The following ISOC2 variants were observed in gnomAD, a reference collection of about 807,000 sequenced individuals.
ISOC2 encodes isochorismatase domain containing 2.
A neutral mutation model predicts 19.3 loss-of-function variants in ISOC2; 15 were observed. That is an observed-to-expected ratio of 0.78 (90% CI 0.52 to 1.20). The LOEUF is 1.20. Ranked by LOEUF, ISOC2 falls within the 50% of genes most tolerant of loss-of-function variation. The pLI is 0.00. For synonymous variants in ISOC2, 106 were observed against 115.8 expected (o/e 0.92, Z 0.54); for missense variants, 285 against 272.4 (o/e 1.05, Z -0.33).
chr19:55,455,359 C>G, intron 3 of ISOC2, 29 bp from the exon 4 acceptor site: 1 of 1,613,898 alleles, frequency 6.2e-7, no homozygotes, highest in Non-Finnish European at 8.5e-7. Flanking sequence ...CAGGGCCAAC[C>G]CCGGATAAGA....
chr19:55,455,052 G>T lies in ISOC2; in HGVS notation c.474C>A (p.Leu158=). Residue 158 remains leucine (L), a synonymous_variant, in exon 5 of 6, where the codon CTC becomes CTA. Transcript: ENST00000425675. ...LARMRQSGAF[L]STSEGLILQL... The stretch of plus-strand genomic sequence containing the variant: ...GCAGAATGAGCCCTTCGCTGGTGGA[G>T]AGGAAGGCACCACTCTGTCTCATGC... 1 of 1,612,860 alleles carries T rather than the reference G, an allele frequency of 6.2e-7. No individual in the cohort carries two copies. Among genetic ancestry groups the T allele is most frequent in the African/African-American group, 1.3e-5 (1 of 74,582 alleles).
intron 5 of ISOC2, chr19:55,454,088 C>T (rs75847313): frequency 0.043 from 6,592 of 152,704 alleles, 140 homozygotes; most frequent in Middle Eastern, 0.098. Context: ...TCTCAAACCT[C>T]TGGGCTCTGA....
chr19:55,455,238 A>T (rs774426740), intron 4 of ISOC2, 22 bp downstream of exon 4: 1 of 1,596,934 alleles, frequency 6.3e-7, no homozygotes, highest in South Asian at 1.1e-5. Flanking sequence ...ACGTGCACCC[A>T]CCCAGGCAGG....
At chr19:55,455,431 G>C (rs565151110) in intron 3 of ISOC2, 101 bp from the exon 4 acceptor site, 1 of 1,481,924 alleles carries the variant, frequency 6.7e-7, no homozygotes, top group Non-Finnish European at 9.4e-7. Flanking sequence ...AGAATGGGGA[G>C]GAGGGAGGCT....
rs754071254 is a variant in ISOC2, at chr19:55,453,421, G to A, written c.538-33C>T. 14 of 1,491,832 alleles carry A rather than the reference G, an allele frequency of 9.4e-6. No homozygotes were observed. In the South Asian group the frequency reaches 1.1e-4, roughly 12 times the overall value. 92.4% of individuals were successfully genotyped at this position (1,491,832 alleles called of 1,614,324 possible). ...GGCAGGGGGCGATGGGTCAGGAAGC[G>A]TCTAGGGTCCCGATCTCCATGGATG... On this transcript the variant is annotated intron_variant, in intron 5 of 5. Coordinates refer to ENST00000425675, the MANE Select transcript of ISOC2 (RefSeq NM_001136201.2).
chr19:55,456,044 G>C, intron 2 of ISOC2, 199 bp from the exon 3 acceptor site: 1 of 600,764 alleles, frequency 1.7e-6, no homozygotes, highest in Middle Eastern at 4.4e-4. Context: ...GCTGGGCCTG[G>C]ACTCCTGCGT....
chr19:55,460,256 G>A (rs118122704), intron 1 of ISOC2, among the ~76,000 whole-genome samples: 2,506 of 152,324 alleles, frequency 0.016, 29 homozygotes, highest in Non-Finnish European at 0.022. Flanking sequence ...ACGAAAACAT[G>A]TTTGAGAGAA....
chr19:55,453,445 T>G (rs747141874), intron 5 of ISOC2, 57 bp from the exon 6 acceptor site: 3 of 1,248,882 alleles, frequency 2.4e-6, no homozygotes, highest in Non-Finnish European at 3.3e-6. Flanking sequence ...TCTCCATGGA[T>G]GACAAATCTG....
intron 1 of ISOC2, among the ~76,000 whole-genome samples, chr19:55,458,829 G>C (rs1338360928): frequency 6.7e-6 from 1 of 149,950 alleles, no homozygotes; most frequent in East Asian, 2.0e-4. Context: ...ACCTGGCCTT[G>C]AGCTGCTATT....
Position 55,455,296 on chromosome 19 carries a change from T to A in ISOC2, c.383A>T (p.Gln128Leu). ...TTLDLLDRGL[Q>L]VHVVVDACSS... The stretch of plus-strand genomic sequence containing the variant: ...GCAGGCGTCCACCACCACATGGACC[T>A]GCAGCCCCCGGTCTAGGAGGTCCAG... The change falls in exon 4 of 6, where the codon CAG becomes CTG. Residue 128 changes from glutamine (Q) to leucine (L), a missense_variant. Transcript: ENST00000425675. 1 of 1,613,780 alleles carries A rather than the reference T, an allele frequency of 6.2e-7. No individual in the cohort carries two copies. Among genetic ancestry groups the A allele is most frequent in the Non-Finnish European group, 8.5e-7 (1 of 1,179,836 alleles).
chr19:55,458,813 C>T (rs1599884966), intron 1 of ISOC2, among the ~76,000 whole-genome samples: 1 of 152,150 alleles, frequency 6.6e-6, no homozygotes, highest in South Asian at 2.1e-4. Context: ...AGGTGTGAGC[C>T]ACCGCACCTG....
At chr19:55,457,821 A>G (rs1164308933) in intron 1 of ISOC2, among the ~76,000 whole-genome samples, 6 of 134,066 alleles carry the variant, frequency 4.5e-5, no homozygotes, top group Non-Finnish European at 9.5e-5. Flanking sequence ...ATAAGAGCAA[A>G]ACTCCATCTC....
intron 1 of ISOC2, 32 bp from the exon 2 acceptor site, chr19:55,456,521 C>A: frequency 1.2e-6 from 2 of 1,608,892 alleles, no homozygotes; most frequent in Middle Eastern, 1.7e-4. Context: ...GTGGGTCAGG[C>A]CCGAGGGCTC....
intron 1 of ISOC2, among the ~76,000 whole-genome samples, chr19:55,460,473 C>G (rs954887454): frequency 5.3e-5 from 8 of 152,100 alleles, no homozygotes; most frequent in African/African-American, 1.9e-4. Flanking sequence ...CTTCTGAATT[C>G]TGGACAATGT....
At position 55,454,959 on chromosome 19, in the gene ISOC2, G is replaced by A. The variant is rs747485043; in HGVS notation, c.537+30C>T. The A allele has an allele frequency of 3.4e-6, 5 of 1,462,212 alleles. No individual in the cohort carries two copies. The African/African-American group carries it at 5.6e-5, about 16-fold the overall frequency. 90.6% of individuals were successfully genotyped at this position (1,462,212 alleles called of 1,614,324 possible). A position where few individuals can be genotyped will look rare whatever the true frequency, so the allele number is the denominator to read the frequency against. On this transcript the variant is annotated intron_variant, in intron 5 of 5. Coordinates refer to ENST00000425675, the MANE Select transcript of ISOC2 (RefSeq NM_001136201.2). The stretch of plus-strand genomic sequence containing the variant: ...AAGACAAGACCTTTGACAGATGCAG[G>A]GGAGGTGGGGGCGGCCAGGCGGGCA...
rs960993959 is a variant in ISOC2, at chr19:55,455,619, G to C, written c.348+17C>G. On this transcript the variant is annotated intron_variant, in intron 3 of 5. Transcript: ENST00000425675. The stretch of plus-strand genomic sequence containing the variant: ...CAGGTTAGAACGAGGGACCCCTGGG[G>C]TCAGTCAGCATCTCACCAAGATGCA... 2.6e-6 allele frequency: 4 copies of C among 1,564,340 alleles called. No homozygotes were observed. The highest frequency in any genetic ancestry group is 1.7e-4 in the Middle Eastern group (1 of 5,856).
Position 55,453,403 on chromosome 19 carries a change from G to T in ISOC2, c.538-15C>A, listed in dbSNP as rs761378935. The T allele has an allele frequency of 6.3e-7, 1 of 1,585,802 alleles. No individual in the cohort carries two copies. The highest frequency in any genetic ancestry group is 8.6e-7 in the Non-Finnish European group (1 of 1,166,184). On this transcript the variant is annotated splice_polypyrimidine_tract_variant and intron_variant, in intron 5 of 5. Transcript: ENST00000425675. ...AGTTTCTGGATCTGTAAGGGCAGGG[G>T]GCGATGGGTCAGGAAGCGTCTAGGG...
rs1385535416 is a variant in ISOC2, at chr19:55,453,184, C to CG, written c.*123_*124insC. ...CAATGGGAAGGCAGCACCCTGCCCCCCCCACAAGGGGGCGGCACTCCTGGT... is the reference window on the plus strand; with the variant it reads ...CAATGGGAAGGCAGCACCCTGCCCCCGCCCACAAGGGGGCGGCACTCCTGGT... On this transcript the variant is annotated 3_prime_UTR_variant, in exon 6 of 6. Coordinates refer to ENST00000425675, the MANE Select transcript of ISOC2 (RefSeq NM_001136201.2). 9.9e-6 allele frequency: 6 copies of CG among 608,682 alleles called. No homozygotes were observed. The highest frequency in any genetic ancestry group is 2.5e-5 in the South Asian group (1 of 39,266). The allele number at this position is 608,682 out of a possible 1,614,324, so 37.7% of individuals were successfully genotyped here. A position where few individuals can be genotyped will look rare whatever the true frequency, so the allele number is the denominator to read the frequency against.
intron 5 of ISOC2, 76 bp downstream of exon 5, chr19:55,454,913 G>A (rs933741771): frequency 3.4e-5 from 38 of 1,121,786 alleles, no homozygotes; most frequent in Middle Eastern, 2.0e-4. Context: ...TGCTGGTGCC[G>A]AGATGTATTC....
Sources: gnomAD v4.1 joint callset for allele counts (sites outside exome capture counted in the v4.1 genomes callset) on GRCh38, gnomAD v4.1.1 for gene constraint, MANE v1.5 for transcripts, NCBI Gene and HGNC (gene_info 2026-07-23, HGNC 2026-07-21) for gene names.